GTF3C1: variants seen among roughly 807,000 people sequenced by gnomAD.
GTF3C1 encodes the protein general transcription factor IIIC subunit 1.
In GTF3C1, 57 loss-of-function variants were observed where a neutral mutation model predicts 226.7. The ratio of observed to expected loss-of-function variants is 0.25; its 90% CI spans 0.20 to 0.31. The LOEUF (loss-of-function observed/expected upper bound fraction) is 0.31, where lower values mean the gene tolerates loss of function less well. Ranked by LOEUF, GTF3C1 falls within the 10% of genes least tolerant of loss-of-function variation. GTF3C1 has a pLI of 1.00. For missense variants in GTF3C1, 2,217 were observed against 2,776.1 expected, an observed-to-expected ratio of 0.80 and a Z score of 4.53; for synonymous variants, 1,090 against 1,084.8, an observed-to-expected ratio of 1.00 and a Z score of -0.09.
At chr16:27,478,376 G>C in intron 28 of GTF3C1, 93 bp downstream of exon 28, 1 of 878,350 alleles carries the variant, frequency 1.1e-6, no homozygotes, top group Non-Finnish European at 2.0e-6. Context: ...GTAGTGGGCT[G>C]GATTTGGCCC....
chr16:27,462,844 A>G lies in GTF3C1; in HGVS notation c.5925-358T>C, dbSNP rs1347496702. 5 of 271,628 alleles carry G rather than the reference A, an allele frequency of 1.8e-5. No homozygotes were observed. Among genetic ancestry groups the G allele is most frequent in the Non-Finnish European group, 3.6e-5 (5 of 140,346 alleles). 16.8% of individuals were successfully genotyped at this position (271,628 alleles called of 1,614,324 possible). Reference sequence around the variant, plus strand: ...TCCAGGCTGTGGCAAAACTCACGGGAGCGTGACCCTGAAGCTCTGCTCCAC... The same window carrying G: ...TCCAGGCTGTGGCAAAACTCACGGGGGCGTGACCCTGAAGCTCTGCTCCAC... On this transcript the variant is annotated intron_variant, in intron 35 of 36. Transcript: ENST00000356183. The surrounding 1 kb of genome is among the most constrained non-coding windows in gnomAD (Gnocchi z 4.5).
intron 12 of GTF3C1, among the ~76,000 whole-genome samples, chr16:27,500,460 C>T (rs2088388961): frequency 6.6e-6 from 1 of 152,150 alleles, no homozygotes; most frequent in Non-Finnish European, 1.5e-5. Flanking sequence ...AGCAGAAGAG[C>T]AAAAATGACC....
chr16:27,528,280 GA>G (rs916552451), intron 6 of GTF3C1, among the ~76,000 whole-genome samples: 20 of 151,408 alleles, frequency 1.3e-4, no homozygotes, highest in African/African-American at 4.4e-4. Context: ...AAAAAGCAAA[GA>G]AAAAAAAGAA....
chr16:27,465,413 A>G lies in GTF3C1; in HGVS notation c.5202T>C (p.Tyr1734=). The G allele has an allele frequency of 1.2e-6, 2 of 1,614,086 alleles. No individual in the cohort carries two copies. Among genetic ancestry groups the G allele is most frequent in the South Asian group, 1.1e-5 (1 of 91,090 alleles). Residue 1734 remains tyrosine (Y), a synonymous_variant, in exon 33 of 37, where the codon TAT becomes TAC. Coordinates refer to ENST00000356183, the MANE Select transcript of GTF3C1 (RefSeq NM_001520.4). ...EFVLQLELSG[Y]SPEDLTAALE... Reference sequence around the variant, plus strand: ...AGGCAGCAGTCAGGTCTTCGGGACTATACCCAGACAGCTCCAGCTGGAGGA... The same window carrying G: ...AGGCAGCAGTCAGGTCTTCGGGACTGTACCCAGACAGCTCCAGCTGGAGGA...
At chr16:27,497,509 C>T (rs2088337254) in intron 14 of GTF3C1, 128 bp downstream of exon 14, 4 of 707,818 alleles carry the variant, frequency 5.7e-6, no homozygotes, top group Non-Finnish European at 9.7e-6. Context: ...AGGATCCAGC[C>T]CACAGCTCAG....
At chr16:27,485,641 G>T (rs145179053) in intron 24 of GTF3C1, among the ~76,000 whole-genome samples, 1 of 152,314 alleles carries the variant, frequency 6.6e-6, no homozygotes, top group African/African-American at 2.4e-5. Context: ...TATGTATGCA[G>T]CTGAAAGCTA....
At chr16:27,529,318 C>G (rs192886638) in intron 5 of GTF3C1, among the ~76,000 whole-genome samples, 3 of 152,064 alleles carry the variant, frequency 2.0e-5, no homozygotes, top group Admixed American at 2.0e-4. Context: ...TGGCATATGC[C>G]TGTAATCCTA....
chr16:27,495,184 G>A, intron 15 of GTF3C1, 27 bp downstream of exon 15: 1 of 1,570,968 alleles, frequency 6.4e-7, no homozygotes, highest in Non-Finnish European at 8.7e-7. Flanking sequence ...GCCCGCCCCA[G>A]GTGCAGGAGT....
chr16:27,490,982 C>T (rs1412900703), intron 19 of GTF3C1, among the ~76,000 whole-genome samples: 1 of 152,188 alleles, frequency 6.6e-6, no homozygotes, highest in Non-Finnish European at 1.5e-5. Context: ...GGTGCAAATT[C>T]ATGCTGGTTC....
At chr16:27,488,913 C>T (rs2088186824) in intron 21 of GTF3C1, 130 bp downstream of exon 21, 2 of 840,618 alleles carry the variant, frequency 2.4e-6, no homozygotes, top group South Asian at 1.5e-5. Context: ...GCCAGGCACA[C>T]ATTTAAGGGG....
Position 27,462,522 on chromosome 16 carries a change from G to A in GTF3C1, c.5925-36C>T, listed in dbSNP as rs1374480419. 7.9e-6 allele frequency: 12 copies of A among 1,516,758 alleles called. No homozygotes were observed. The Middle Eastern group carries it at 5.1e-4, about 65-fold the overall frequency. 94.0% of individuals were successfully genotyped at this position (1,516,758 alleles called of 1,614,324 possible). A position where few individuals can be genotyped will look rare whatever the true frequency, so the allele number is the denominator to read the frequency against. ...AGGGCTTGACATCAGGGCTTGGTGGGGGCAGGAGGGCAGCTCGTCCAGACA... is the reference window on the plus strand; with the variant it reads ...AGGGCTTGACATCAGGGCTTGGTGGAGGCAGGAGGGCAGCTCGTCCAGACA... On this transcript the variant is annotated intron_variant, in intron 35 of 36. Coordinates refer to ENST00000356183, the MANE Select transcript of GTF3C1 (RefSeq NM_001520.4). This position sits in a 1 kb window ranked among gnomAD's most constrained non-coding sequence, Gnocchi z 4.5.
Position 27,469,554 on chromosome 16 carries a change from G to C in GTF3C1, c.4815-4C>G. The stretch of plus-strand genomic sequence containing the variant: ...CAGGCTGCCGTCCTTCCCCAAGCTA[G>C]AAGGGAATTGTGACCTGGATACCTG... On this transcript the variant is annotated splice_polypyrimidine_tract_variant and splice_region_variant and intron_variant, in intron 31 of 36. Transcript: ENST00000356183. The surrounding 1 kb of genome is among the most constrained non-coding windows in gnomAD (Gnocchi z 4.5). 6.2e-7 allele frequency: 1 copy of C among 1,607,184 alleles called. No homozygotes were observed. The highest frequency in any genetic ancestry group is 8.5e-7 in the Non-Finnish European group (1 of 1,174,500).
chr16:27,538,220 GCCACCTGGA>G lies in GTF3C1; in HGVS notation c.559_567del (p.Ser187_Trp189del). ...TGAAGGTCTCGCTGGAGCTCCCCTT[GCCACCTGGA>G]CCGGCCTAGCCGTTCCAGGATGCAG... On this transcript the variant is annotated inframe_deletion, in exon 3 of 37. Coordinates refer to ENST00000356183, the MANE Select transcript of GTF3C1 (RefSeq NM_001520.4). 6.3e-7 allele frequency: 1 copy of G among 1,593,982 alleles called. No individual in the cohort carries two copies. Among genetic ancestry groups the G allele is most frequent in the Non-Finnish European group, 8.5e-7 (1 of 1,173,354 alleles).
At chr16:27,533,416 T>C (rs752755038) in intron 4 of GTF3C1, 29 bp from the exon 5 acceptor site, 1 of 1,203,880 alleles carries the variant, frequency 8.3e-7, no homozygotes, top group Non-Finnish European at 1.2e-6. Context: ...AATTCGTTTT[T>C]TCAAACCTGT....
At chr16:27,474,189 G>T (rs943660665) in intron 29 of GTF3C1, among the ~76,000 whole-genome samples, 3 of 152,204 alleles carry the variant, frequency 2.0e-5, no homozygotes, top group Non-Finnish European at 2.9e-5. Flanking sequence ...AGTCACTAAA[G>T]AAGTGTCCTG....
At chr16:27,506,684 C>T (rs1486613132) in intron 9 of GTF3C1, among the ~76,000 whole-genome samples, 163 bp downstream of exon 9, 1 of 152,166 alleles carries the variant, frequency 6.6e-6, no homozygotes, top group Non-Finnish European at 1.5e-5. Context: ...ACAGGACCCT[C>T]TCCTCCAAAC....
chr16:27,516,336 A>G (rs530208386), intron 6 of GTF3C1, among the ~76,000 whole-genome samples: 1 of 152,352 alleles, frequency 6.6e-6, no homozygotes, highest in South Asian at 2.1e-4. Context: ...CAGGACCCAC[A>G]AGGCACCCAT....
intron 11 of GTF3C1, among the ~76,000 whole-genome samples, chr16:27,502,300 C>T (rs1044015684): frequency 1.3e-5 from 2 of 152,096 alleles, no homozygotes; most frequent in African/African-American, 4.8e-5. Flanking sequence ...CACCGAGTGG[C>T]TCTCACATTG....
intron 3 of GTF3C1, 79 bp from the exon 4 acceptor site, chr16:27,538,006 C>T: frequency 6.8e-7 from 1 of 1,471,310 alleles, no homozygotes. Context: ...TGGACATAAA[C>T]ACCAGAGACA....
Sources: allele counts gnomAD v4.1 joint callset (sites outside exome capture counted in the v4.1 genomes callset), GRCh38; gene constraint gnomAD v4.1.1; non-coding constraint Gnocchi (gnomAD v3.1); transcripts MANE v1.5; gene names NCBI Gene and HGNC (gene_info 2026-07-23, HGNC 2026-07-21).